Variants in MEI4 observed in about 807,000 individuals in gnomAD.
The protein encoded by MEI4 is meiosis-specific protein MEI4.
A neutral mutation model predicts 31.4 loss-of-function variants in MEI4; 27 were observed. The observed-to-expected ratio is 0.86, with a 90% CI of 0.63 to 1.19. MEI4 has a LOEUF of 1.19. Among genes scored for constraint, MEI4 ranks in the 50% most tolerant of loss-of-function variants. The pLI is 0.00. For missense variants in MEI4, 329 were observed against 398.9 expected (o/e 0.82, Z 1.49); for synonymous variants, 122 against 145.4 (o/e 0.84, Z 1.16).
At chr6:77,919,187 G>T (rs1291515840) in intron 4 of MEI4, among the ~76,000 whole-genome samples, 2 of 152,016 alleles carry the variant, frequency 1.3e-5, no homozygotes, top group African/African-American at 2.4e-5. Context: ...CAAATCAACA[G>T]AATATACATT....
intron 3 of MEI4, among the ~76,000 whole-genome samples, chr6:77,784,247 GA>G (rs1768672054): frequency 6.6e-6 from 1 of 152,096 alleles, no homozygotes; most frequent in East Asian, 1.9e-4. Context: ...ATAACTGAAA[GA>G]ACAAAATATC....
chr6:77,653,747 A>C (rs2127640047), intron 1 of MEI4, among the ~76,000 whole-genome samples: 1 of 152,300 alleles, frequency 6.6e-6, no homozygotes, highest in African/African-American at 2.4e-5. Context: ...CTGTTAATAG[A>C]AGATAGTAGC....
intron 4 of MEI4, among the ~76,000 whole-genome samples, chr6:77,912,285 C>A (rs772966809): frequency 1.3e-5 from 2 of 151,776 alleles, no homozygotes; most frequent in African/African-American, 4.8e-5. Flanking sequence ...GCTCTTTTTC[C>A]TCGGGATTGC....
intron 3 of MEI4, among the ~76,000 whole-genome samples, chr6:77,791,123 G>GCAT (rs1407721308): frequency 6.6e-6 from 1 of 152,110 alleles, no homozygotes; most frequent in East Asian, 1.9e-4. Flanking sequence ...AGTCAGTGTG[G>GCAT]CGATTCCTCA....
chr6:77,867,959 T>C (rs1391758672), intron 4 of MEI4, among the ~76,000 whole-genome samples: 1 of 151,860 alleles, frequency 6.6e-6, no homozygotes, highest in Non-Finnish European at 1.5e-5. Flanking sequence ...CAGCAAACTA[T>C]TGCAAGGACA....
At chr6:77,867,653 G>A (rs1041210626) in intron 4 of MEI4, among the ~76,000 whole-genome samples, 6 of 152,190 alleles carry the variant, frequency 3.9e-5, no homozygotes, top group Non-Finnish European at 5.9e-5. Context: ...GTGGAAGTCA[G>A]TGTGGCAATT....
chr6:77,691,921 AAAAAC>A (rs1345403758), intron 2 of MEI4, among the ~76,000 whole-genome samples: 2 of 151,654 alleles, frequency 1.3e-5, no homozygotes, highest in Non-Finnish European at 2.9e-5. Context: ...AGTTAGAAAA[AAAAAC>A]ACATAAATCA....
At chr6:77,918,614 A>C (rs1766623786) in intron 4 of MEI4, among the ~76,000 whole-genome samples, 1 of 151,496 alleles carries the variant, frequency 6.6e-6, no homozygotes, top group African/African-American at 2.4e-5. Context: ...TTGTACATTG[A>C]TTTTGTATCC....
intron 3 of MEI4, among the ~76,000 whole-genome samples, chr6:77,781,852 G>A (rs1425218108): frequency 1.3e-5 from 2 of 152,102 alleles, no homozygotes; most frequent in Non-Finnish European, 2.9e-5. Flanking sequence ...CCAAGGCCCT[G>A]TACTCTGCTG....
intron 2 of MEI4, among the ~76,000 whole-genome samples, chr6:77,694,235 C>G (rs1489693604): frequency 1.3e-5 from 2 of 151,314 alleles, no homozygotes; most frequent in Non-Finnish European, 2.9e-5. Flanking sequence ...AGCCGCGTTT[C>G]TTTTTCTTTT....
intron 3 of MEI4, among the ~76,000 whole-genome samples, chr6:77,799,829 C>A (rs1419338092): frequency 6.6e-6 from 1 of 152,064 alleles, no homozygotes; most frequent in African/African-American, 2.4e-5. Context: ...TTTCTGAGGG[C>A]TCTGTTCTGG....
At chr6:77,681,563 T>C (rs1768957857) in intron 1 of MEI4, among the ~76,000 whole-genome samples, 1 of 152,232 alleles carries the variant, frequency 6.6e-6, no homozygotes, top group Non-Finnish European at 1.5e-5. Context: ...AATCACTGTC[T>C]TTTCTGTTAT....
chr6:77,791,249 T>G (rs931283777), intron 3 of MEI4, among the ~76,000 whole-genome samples: 1 of 152,116 alleles, frequency 6.6e-6, no homozygotes, highest in Non-Finnish European at 1.5e-5. Flanking sequence ...TATTGCGGCA[T>G]TATTCACGAT....
At chr6:77,912,116 T>C (rs1301987021) in intron 4 of MEI4, among the ~76,000 whole-genome samples, 1 of 152,114 alleles carries the variant, frequency 6.6e-6, no homozygotes, top group Non-Finnish European at 1.5e-5. Flanking sequence ...CTTGATATCA[T>C]TGTTGAACGT....
chr6:77,865,420 T>C (rs1770997699), intron 4 of MEI4, among the ~76,000 whole-genome samples: 1 of 151,832 alleles, frequency 6.6e-6, no homozygotes, highest in Non-Finnish European at 1.5e-5. Flanking sequence ...CCACAGAAAT[T>C]CAAACTACCA....
intron 2 of MEI4, among the ~76,000 whole-genome samples, chr6:77,716,019 G>A (rs1310739155): frequency 6.6e-6 from 1 of 152,036 alleles, no homozygotes; most frequent in Non-Finnish European, 1.5e-5. Context: ...TTTGTAATAC[G>A]TTTTTAAAGA....
chr6:77,923,876 G>GGAAACTTAATTGCTTTTTA lies in MEI4; in HGVS notation c.*531_*549dup, dbSNP rs1227389775. 1 of 151,588 alleles carries GGAAACTTAATTGCTTTTTA rather than the reference G, an allele frequency of 6.6e-6. No homozygotes were observed. Among genetic ancestry groups the GGAAACTTAATTGCTTTTTA allele is most frequent in the Non-Finnish European group, 1.5e-5 (1 of 67,768 alleles). The allele number at this position is 151,588 out of a possible 1,614,324, so 9.4% of individuals were successfully genotyped here. On this transcript the variant is annotated 3_prime_UTR_variant, in exon 5 of 5. Transcript: ENST00000684080. ...TAGAAGTAGAACTTTTTTAACATTTGGAAACTTAATTGCTTTTTATTTATT... is the reference window on the plus strand; with the variant it reads ...TAGAAGTAGAACTTTTTTAACATTTGGAAACTTAATTGCTTTTTAGAAACTTAATTGCTTTTTATTTATT...
chr6:77,751,069 T>C (rs753664272), intron 2 of MEI4, among the ~76,000 whole-genome samples: 1 of 151,974 alleles, frequency 6.6e-6, no homozygotes, highest in Non-Finnish European at 1.5e-5. Context: ...TTGAAACCAA[T>C]AAGAACAAAG....
intron 2 of MEI4, among the ~76,000 whole-genome samples, chr6:77,728,522 G>A (rs1193649916): frequency 6.6e-6 from 1 of 152,186 alleles, no homozygotes; most frequent in Non-Finnish European, 1.5e-5. Flanking sequence ...TAGCATGGAG[G>A]ATGTAGACAT....
Sources: allele counts gnomAD v4.1 joint callset (sites outside exome capture counted in the v4.1 genomes callset), GRCh38; gene constraint gnomAD v4.1.1; transcripts MANE v1.5; gene names NCBI Gene and HGNC (gene_info 2026-07-23, HGNC 2026-07-21).